OAS3: variants seen among roughly 807,000 people sequenced by gnomAD.
OAS3 encodes 2'-5'-oligoadenylate synthase 3.
Under a neutral mutation model 113.0 loss-of-function variants are expected in OAS3, and 107 were observed. The observed-to-expected ratio is 0.95, with a 90% CI of 0.81 to 1.11. The LOEUF (loss-of-function observed/expected upper bound fraction) is 1.11, where lower values mean the gene tolerates loss of function less well. Among genes scored for constraint, OAS3 ranks in the 50% most tolerant of loss-of-function variants. OAS3 has a pLI of 0.00. For missense variants in OAS3, 1,258 were observed against 1,389.1 expected, an observed-to-expected ratio of 0.91 and a Z score of 1.50; for synonymous variants, 552 against 573.6, an observed-to-expected ratio of 0.96 and a Z score of 0.54.
At position 112,947,544 on chromosome 12, in the gene OAS3, G is replaced by A. The variant is rs573724840; in HGVS notation, c.876-402G>A. Reference sequence around the variant, plus strand: ...CCATTGTGTGAATTTATCAAAATATGTTGTCTATTCTACTGATGATGGACA... The same window carrying A: ...CCATTGTGTGAATTTATCAAAATATATTGTCTATTCTACTGATGATGGACA... On this transcript the variant is annotated intron_variant, in intron 4 of 15. Coordinates refer to ENST00000228928, the MANE Select transcript of OAS3 (RefSeq NM_006187.4). Among the ~76,000 whole-genome samples the A allele has an allele frequency of 6.6e-5, 10 of 152,252 alleles. No individual in the cohort carries two copies. In the East Asian group the frequency reaches 1.4e-3, roughly 21 times the overall value.
Position 112,961,158 on chromosome 12 carries a change from G to A in OAS3, c.1745G>A (p.Cys582Tyr). ...SGCQEGEHKACFAELRRNFMN... is the reference protein window; with the variant it reads ...SGCQEGEHKAYFAELRRNFMN... ...TGCCAGGAGGGCGAGCATAAGGCCT[G>A]CTTCGCAGAGCTGCGGAGGAACTTC... Residue 582 changes from cysteine (C) to tyrosine (Y), a missense_variant, in exon 8 of 16, where the codon TGC (cysteine) becomes TAC (tyrosine). Coordinates refer to ENST00000228928, the MANE Select transcript of OAS3 (RefSeq NM_006187.4). 6.2e-7 allele frequency: 1 copy of A among 1,613,384 alleles called. No homozygotes were observed. The highest frequency in any genetic ancestry group is 8.5e-7 in the Non-Finnish European group (1 of 1,179,898).
chr12:112,960,617 A>G (rs2158393), intron 7 of OAS3, among the ~76,000 whole-genome samples: 36,080 of 152,080 alleles, frequency 0.24, 5,229 homozygotes, highest in East Asian at 0.66. Context: ...GATTCTTACA[A>G]TAGCCTTAGA....
intron 1 of OAS3, among the ~76,000 whole-genome samples, chr12:112,941,319 G>T (rs566316378): frequency 6.6e-6 from 1 of 152,174 alleles, no homozygotes; most frequent in Non-Finnish European, 1.5e-5. Context: ...TGAGCTATGT[G>T]TTCCAGCCTG....
chr12:112,970,341 T>C lies in OAS3; in HGVS notation c.*368T>C. On this transcript the variant is annotated 3_prime_UTR_variant, in exon 16 of 16. Coordinates refer to ENST00000228928, the MANE Select transcript of OAS3 (RefSeq NM_006187.4). ...CTCTGCCCATGCAAATTAGCTCACA[T>C]CTTTCCTCCTGCTGCAATCCATCCC... 1 of 314,406 alleles carries C rather than the reference T, an allele frequency of 3.2e-6. No individual in the cohort carries two copies. The highest frequency in any genetic ancestry group is 7.1e-5 in the East Asian group (1 of 14,122). The allele number at this position is 314,406 out of a possible 1,614,324, so 19.5% of individuals were successfully genotyped here.
chr12:112,962,468 C>G (rs2043895741), intron 8 of OAS3, among the ~76,000 whole-genome samples, 184 bp from the exon 9 acceptor site: 1 of 152,204 alleles, frequency 6.6e-6, no homozygotes, highest in Admixed American at 6.5e-5. Context: ...ACTGTATGAC[C>G]TTAGACAAGT....
intron 14 of OAS3, 24 bp downstream of exon 14, chr12:112,968,198 C>T (rs1328461858): frequency 6.3e-7 from 1 of 1,594,738 alleles, no homozygotes; most frequent in South Asian, 1.1e-5. Context: ...CCCAATGTTC[C>T]AGAATTTCAA....
chr12:112,939,816 G>T (rs1217331559), intron 1 of OAS3, among the ~76,000 whole-genome samples: 2 of 152,204 alleles, frequency 1.3e-5, no homozygotes, highest in African/African-American at 2.4e-5. Context: ...GAGGGAACCT[G>T]GGTGTGCTAG....
At position 112,950,765 on chromosome 12, in the gene OAS3, T is replaced by C; in HGVS notation, c.1447T>C (p.Phe483Leu). The change falls in exon 7 of 16, where the codon TTC becomes CTC. Residue 483 changes from phenylalanine to leucine, a missense_variant. Transcript: ENST00000228928. ...TGAACTCATCATCTTCCTCAACTGCTTCACGGACTACAAGGACCAGGGGCC... is the reference window on the plus strand; with the variant it reads ...TGAACTCATCATCTTCCTCAACTGCCTCACGGACTACAAGGACCAGGGGCC... The part of the protein sequence containing the change: ...DVELIIFLNC[F>L]TDYKDQGPRR... 6.2e-7 allele frequency: 1 copy of C among 1,614,034 alleles called. No homozygotes were observed. Among genetic ancestry groups the C allele is most frequent in the Non-Finnish European group, 8.5e-7 (1 of 1,179,892 alleles).
Position 112,968,000 on chromosome 12 carries a change from T to G in OAS3, c.2930T>G (p.Val977Gly). Residue 977 changes from valine to glycine, a missense_variant, in exon 14 of 16, where the codon GTG (valine) becomes GGG (glycine). Val to Gly is a moderately radical substitution (Grantham distance 109). Coordinates refer to ENST00000228928, the MANE Select transcript of OAS3 (RefSeq NM_006187.4). ...CAGCACGGGCTGGAACTCCTGACTG[T>G]GTATGCCTGGGAGCAGGGCGGGAAG... Reference protein sequence around the residue: ...PPQHGLELLTVYAWEQGGKDS... With the variant: ...PPQHGLELLTGYAWEQGGKDS... 1 of 1,614,032 alleles carries G rather than the reference T, an allele frequency of 6.2e-7. No homozygotes were observed. The highest frequency in any genetic ancestry group is 8.5e-7 in the Non-Finnish European group (1 of 1,179,894).
intron 5 of OAS3, 123 bp downstream of exon 5, chr12:112,948,222 G>A: frequency 3.0e-6 from 3 of 999,414 alleles, no homozygotes; most frequent in South Asian, 2.7e-5. Flanking sequence ...GTGGCCAGGT[G>A]TGGTGGCTCA....
At position 112,971,219 on chromosome 12, in the gene OAS3, A is replaced by G. The variant is rs1001611374; in HGVS notation, c.*1246A>G. ...TTTCAATATTAGACCACTGTAGCCG[A>G]ATCAGAGGCCAGAGAGCAGCCACTG... is the stretch of plus-strand genomic sequence containing the variant. On this transcript the variant is annotated 3_prime_UTR_variant, in exon 16 of 16. Transcript: ENST00000228928. 1 of 152,504 alleles carries G rather than the reference A, an allele frequency of 6.6e-6. No individual in the cohort carries two copies. Among genetic ancestry groups the G allele is most frequent in the Non-Finnish European group, 1.5e-5 (1 of 68,148 alleles). The allele number at this position is 152,504 out of a possible 1,614,324, so 9.4% of individuals were successfully genotyped here. A position where few individuals can be genotyped will look rare whatever the true frequency, so the allele number is the denominator to read the frequency against.
At position 112,967,412 on chromosome 12, in the gene OAS3, C is replaced by T. The variant is rs1392403077; in HGVS notation, c.2690-6C>T. The T allele has an allele frequency of 6.2e-7, 1 of 1,609,128 alleles. No homozygotes were observed. Among genetic ancestry groups the T allele is most frequent in the Non-Finnish European group, 8.5e-7 (1 of 1,177,508 alleles). On this transcript the variant is annotated splice_region_variant and splice_polypyrimidine_tract_variant and intron_variant, in intron 12 of 15. Transcript: ENST00000228928. Reference sequence around the variant, plus strand: ...GGAGTGATGGTAACCATCTCCCCATCTCCAGGCCAGCTGGTCTCTGGCTCC... The same window carrying T: ...GGAGTGATGGTAACCATCTCCCCATTTCCAGGCCAGCTGGTCTCTGGCTCC...
chr12:112,969,003 C>T (rs953192021), intron 14 of OAS3, among the ~76,000 whole-genome samples: 5 of 152,148 alleles, frequency 3.3e-5, no homozygotes, highest in Admixed American at 6.5e-5. Context: ...GTTGAAAAAG[C>T]TTCTAAGGTT....
rs1168878131 is a variant in OAS3 at position 112,970,584 on chromosome 12, C to T, written c.*611C>T. On this transcript the variant is annotated 3_prime_UTR_variant, in exon 16 of 16. Transcript: ENST00000228928. Reference sequence around the variant, plus strand: ...GTAGAGGAAAGTGGTGGTACAAGTGCCATGATTGATTAGCAATGTCTGCAC... The same window carrying T: ...GTAGAGGAAAGTGGTGGTACAAGTGTCATGATTGATTAGCAATGTCTGCAC... 6.3e-6 allele frequency: 1 copy of T among 157,764 alleles called. No homozygotes were observed. Among genetic ancestry groups the T allele is most frequent in the Non-Finnish European group, 1.4e-5 (1 of 71,378 alleles). 9.8% of individuals were successfully genotyped at this position (157,764 alleles called of 1,614,324 possible).
In OAS3 at chr12:112,973,250, T is replaced by C. The variant is rs1193518538; in HGVS notation, c.*3277T>C. 3 of 152,210 alleles carry C rather than the reference T, an allele frequency of 2.0e-5. No homozygotes were observed. Among genetic ancestry groups the C allele is most frequent in the African/African-American group, 7.2e-5 (3 of 41,458 alleles). The allele number at this position is 152,210 out of a possible 1,614,324, so 9.4% of individuals were successfully genotyped here. On this transcript the variant is annotated 3_prime_UTR_variant, in exon 16 of 16. Transcript: ENST00000228928. ...ATTTCATATAAATGGCATCATACAA[T>C]ATGTGGCCTTTTGTGTCTGGCTTCT...
rs778743514 is a variant in OAS3, at chr12:112,938,614, G to C, written c.84G>C (p.Lys28Asn). 2 of 1,609,856 alleles carry C rather than the reference G, an allele frequency of 1.2e-6. No individual in the cohort carries two copies. The highest frequency in any genetic ancestry group is 1.7e-6 in the Non-Finnish European group (2 of 1,178,734). ...AGCCGCGGAAGGAGTTCGTAGAGAA[G>C]GCGCGGCGCGCTCTGGGCGCCCTGG... ...RLQPRKEFVE[K>N]ARRALGALAA... is the part of the protein sequence containing the mutation. Residue 28 changes from lysine (K) to asparagine (N), a missense_variant, in exon 1 of 16, where the codon AAG (lysine) becomes AAC (asparagine). Transcript: ENST00000228928.
Position 112,967,914 on chromosome 12 carries a change from T to C in OAS3, c.2866-22T>C, listed in dbSNP as rs767792632. 7.5e-6 allele frequency: 12 copies of C among 1,607,704 alleles called. No homozygotes were observed. The East Asian group carries it at 2.7e-4, about 36-fold the overall frequency. ...TCATCAGTGCCAATATGAACCAACATATCTTTCTTCTCGTTCTCCAGTGTA... is the reference window on the plus strand; with the variant it reads ...TCATCAGTGCCAATATGAACCAACACATCTTTCTTCTCGTTCTCCAGTGTA... On this transcript the variant is annotated intron_variant, in intron 13 of 15. Coordinates refer to ENST00000228928, the MANE Select transcript of OAS3 (RefSeq NM_006187.4).
rs1009547891 is a variant in OAS3, at chr12:112,972,027, G to C, written c.*2054G>C. 1 of 152,220 alleles carries C rather than the reference G, an allele frequency of 6.6e-6. No homozygotes were observed. The highest frequency in any genetic ancestry group is 2.4e-5 in the African/African-American group (1 of 41,450). The allele number at this position is 152,220 out of a possible 1,614,324, so 9.4% of individuals were successfully genotyped here. On this transcript the variant is annotated 3_prime_UTR_variant, in exon 16 of 16. Transcript: ENST00000228928. ...ATCCAAGAGCTCAGGGCCAGTTCTGGTGGGCAGCAGAGACCTGCTCTGCCA... is the reference window on the plus strand; with the variant it reads ...ATCCAAGAGCTCAGGGCCAGTTCTGCTGGGCAGCAGAGACCTGCTCTGCCA...
In OAS3 at chr12:112,969,968, G is replaced by A. The variant is rs45620632; in HGVS notation, c.3259G>A (p.Val1087Met). Residue 1087 changes from valine to methionine, a missense_variant, in exon 16 of 16, where the codon GTG becomes ATG. Transcript: ENST00000228928. ...PIQPWPVKAAV is the reference protein window; with the variant it reads ...PIQPWPVKAAM ...TCTTATAATACTTCCCCAGGCTGCT[G>A]TGTGAAGTTGAGAAAATCAGCGGTC... 2.1e-3 allele frequency: 3,304 copies of A among 1,608,060 alleles called. 27 individuals are homozygous for A. In the East Asian group the frequency reaches 0.024, roughly 12 times the overall value.
Sources: gnomAD v4.1 joint callset for allele counts (sites outside exome capture counted in the v4.1 genomes callset) on GRCh38, gnomAD v4.1.1 for gene constraint, MANE v1.5 for transcripts, NCBI Gene and HGNC (gene_info 2026-07-23, HGNC 2026-07-21) for gene names.